LARS1: variants seen among roughly 807,000 people sequenced by gnomAD.
The protein encoded by LARS1 is leucine--tRNA ligase, cytoplasmic.
Under a neutral mutation model 162.8 loss-of-function variants are expected in LARS1, and 100 were observed. The observed-to-expected ratio is 0.61, with a 90% confidence interval of 0.52 to 0.73. The LOEUF (loss-of-function observed/expected upper bound fraction) is 0.73, where lower values mean the gene tolerates loss of function less well. Among genes scored for constraint, LARS1 ranks in the 30% least tolerant of loss-of-function variants. The pLI is 0.00. For synonymous variants in LARS1, 457 were observed against 462.8 expected (o/e 0.99, Z 0.16); for missense variants, 1,258 against 1,408.9 (o/e 0.89, Z 1.71).
At chr5:146,116,639 G>C (rs548242825) in intron 31 of LARS1, among the ~76,000 whole-genome samples, 2 of 152,322 alleles carry the variant, frequency 1.3e-5, no homozygotes, top group East Asian at 3.9e-4. Flanking sequence ...TTAGAGAAAA[G>C]ATGAGAGTGA....
At chr5:146,170,486 G>A (rs1028306341) in intron 4 of LARS1, among the ~76,000 whole-genome samples, 6 of 151,116 alleles carry the variant, frequency 4.0e-5, no homozygotes, top group South Asian at 2.1e-4. Context: ...AAAAAAGGGG[G>A]GAAAAACAGA....
At chr5:146,140,712 A>G (rs11955695) in intron 20 of LARS1, among the ~76,000 whole-genome samples, 33,780 of 152,020 alleles carry the variant, frequency 0.22, 4,794 homozygotes, top group Admixed American at 0.34. Flanking sequence ...AGGCTGAGGC[A>G]GACAGTTGCT....
rs34428386 is a variant in LARS1 at position 146,123,966 on chromosome 5, TC to T, written c.3096+15del. Reference sequence around the variant, plus strand: ...AACTACAGTTAACTGGTTATTACAATCCCTGGCCCTCTTACCTCAAGCGAAT... The same window carrying T: ...AACTACAGTTAACTGGTTATTACAATCCTGGCCCTCTTACCTCAAGCGAAT... On this transcript the variant is annotated intron_variant, in intron 29 of 31. Transcript: ENST00000394434. 1.4e-6 allele frequency: 2 copies of T among 1,380,232 alleles called. No individual in the cohort carries two copies. The highest frequency in any genetic ancestry group is 2.1e-6 in the Non-Finnish European group (2 of 971,736). 85.5% of individuals were successfully genotyped at this position (1,380,232 alleles called of 1,614,324 possible). A position where few individuals can be genotyped will look rare whatever the true frequency, so the allele number is the denominator to read the frequency against.
intron 1 of LARS1, among the ~76,000 whole-genome samples, chr5:146,180,725 G>A (rs942390912): frequency 2.6e-5 from 4 of 151,998 alleles, no homozygotes; most frequent in Non-Finnish European, 5.9e-5. Context: ...TCTGATATTG[G>A]CCCAAACACC....
intron 2 of LARS1, among the ~76,000 whole-genome samples, chr5:146,177,013 GA>G (rs1214612386): frequency 2.7e-5 from 4 of 150,734 alleles, no homozygotes; most frequent in East Asian, 1.9e-4. Flanking sequence ...ACTTTATTTA[GA>G]AAAAAAAATC....
At chr5:146,173,680 G>A (rs1197498938) in intron 2 of LARS1, among the ~76,000 whole-genome samples, 1 of 151,522 alleles carries the variant, frequency 6.6e-6, no homozygotes, top group African/African-American at 2.4e-5. Flanking sequence ...CATACATACT[G>A]TGTTATGAAG....
intron 10 of LARS1, among the ~76,000 whole-genome samples, chr5:146,156,418 G>T (rs1753528982): frequency 6.6e-6 from 1 of 152,170 alleles, no homozygotes; most frequent in African/African-American, 2.4e-5. Context: ...ATAAGGCTGG[G>T]TACAGTGGCT....
At chr5:146,149,781 A>C in intron 14 of LARS1, 82 bp from the exon 15 acceptor site, 1 of 993,718 alleles carries the variant, frequency 1.0e-6, no homozygotes, top group Non-Finnish European at 1.6e-6. Flanking sequence ...TTCCCTAACT[A>C]AATTTGCTTC....
At chr5:146,129,550 A>C (rs1752187784) in intron 25 of LARS1, among the ~76,000 whole-genome samples, 1 of 152,204 alleles carries the variant, frequency 6.6e-6, no homozygotes, top group South Asian at 2.1e-4. Flanking sequence ...AAAAGAGCCT[A>C]GCTAATATGG....
intron 5 of LARS1, among the ~76,000 whole-genome samples, chr5:146,167,821 G>A (rs188769434): frequency 4.1e-4 from 62 of 151,184 alleles, no homozygotes; most frequent in African/African-American, 1.5e-3. Context: ...GAGCCACCGC[G>A]CCCGGCCTAC....
intron 1 of LARS1, 151 bp downstream of exon 1, chr5:146,182,337 C>A (rs1754907833): frequency 1.1e-6 from 1 of 941,310 alleles, no homozygotes; most frequent in South Asian, 1.4e-5. Flanking sequence ...CATAAACTAG[C>A]AAGAAAAAGC....
intron 5 of LARS1, among the ~76,000 whole-genome samples, chr5:146,165,120 G>A (rs919678017): frequency 2.0e-5 from 3 of 152,132 alleles, no homozygotes; most frequent in African/African-American, 7.2e-5. Context: ...CAGATCACGA[G>A]GTCAGGACTT....
chr5:146,137,580 G>A (rs1359569277), intron 21 of LARS1, among the ~76,000 whole-genome samples: 1 of 152,120 alleles, frequency 6.6e-6, no homozygotes, highest in African/African-American at 2.4e-5. Context: ...AGCATTACGT[G>A]ACATCTAAAA....
Position 146,120,503 on chromosome 5 carries a change from G to T in LARS1, c.3193C>A (p.Pro1065Thr), listed in dbSNP as rs757677602. 2.5e-6 allele frequency: 4 copies of T among 1,608,462 alleles called. No individual in the cohort carries two copies. Among genetic ancestry groups the T allele is most frequent in the Non-Finnish European group, 3.4e-6 (4 of 1,178,130 alleles). ...GKPLNVFRIE[P>T]GVSVSLVNPQ... Reference sequence around the variant, plus strand: ...TTCACCAGAGAAACGGACACACCAGGCTAGGAAAACAACAAGAAAATGATT... The same window carrying T: ...TTCACCAGAGAAACGGACACACCAGTCTAGGAAAACAACAAGAAAATGATT... The change falls in exon 31 of 32, where the codon CCT becomes ACT. Residue 1065 changes from proline to threonine, a missense_variant and splice_region_variant. Transcript: ENST00000394434.
chr5:146,121,881 C>T (rs1243063737), intron 30 of LARS1, among the ~76,000 whole-genome samples: 3 of 152,100 alleles, frequency 2.0e-5, no homozygotes, highest in East Asian at 1.9e-4. Flanking sequence ...ATGTAGATGA[C>T]GGGTAGATGG....
At chr5:146,178,942 A>G (rs1191642207) in intron 1 of LARS1, among the ~76,000 whole-genome samples, 1 of 151,666 alleles carries the variant, frequency 6.6e-6, no homozygotes, top group Non-Finnish European at 1.5e-5. Flanking sequence ...AAGAAAAACA[A>G]TTTTTTTGGC....
At chr5:146,159,133 G>A (rs1206674603) in intron 8 of LARS1, among the ~76,000 whole-genome samples, 1 of 151,326 alleles carries the variant, frequency 6.6e-6, no homozygotes, top group Non-Finnish European at 1.5e-5. Flanking sequence ...CCCACCCCCA[G>A]AACTTTTGAT....
intron 28 of LARS1, among the ~76,000 whole-genome samples, chr5:146,125,096 G>A (rs958714715): frequency 2.0e-5 from 3 of 151,674 alleles, no homozygotes; most frequent in Non-Finnish European, 4.4e-5. Flanking sequence ...TTTAAAACAT[G>A]TCATCAAAAT....
At chr5:146,135,298 T>G (rs981492356) in intron 22 of LARS1, among the ~76,000 whole-genome samples, 3 of 151,938 alleles carry the variant, frequency 2.0e-5, no homozygotes, top group African/African-American at 2.4e-5. Flanking sequence ...ATTACAGGCG[T>G]GAGCCACCGC....
Sources: allele counts gnomAD v4.1 joint callset (sites outside exome capture counted in the v4.1 genomes callset), GRCh38; gene constraint gnomAD v4.1.1; transcripts MANE v1.5; gene names NCBI Gene and HGNC (gene_info 2026-07-23, HGNC 2026-07-21).